The following MSI2 variants were observed in gnomAD, a reference collection of about 807,000 sequenced individuals.
MSI2 encodes musashi RNA binding protein 2.
In MSI2, 17 loss-of-function variants were observed where a neutral mutation model predicts 45.6. That is an observed-to-expected ratio of 0.37 (90% CI 0.26 to 0.56). The LOEUF (loss-of-function observed/expected upper bound fraction) is 0.56. MSI2 is among the 20% of genes least tolerant of loss of function. MSI2 has a pLI of 0.77. For missense variants in MSI2, 293 were observed against 444.2 expected (o/e 0.66, Z 3.06); for synonymous variants, 156 against 158.2 (o/e 0.99, Z 0.11).
At chr17:57,288,456 A>C (rs1910116976) in intron 5 of MSI2, among the ~76,000 whole-genome samples, 1 of 151,960 alleles carries the variant, frequency 6.6e-6, no homozygotes, top group South Asian at 2.1e-4. Flanking sequence ...CTTCCCCCTA[A>C]CCTTCCTGGT....
chr17:57,639,549 C>CTAT (rs1451953298), intron 10 of MSI2, among the ~76,000 whole-genome samples: 1 of 152,244 alleles, frequency 6.6e-6, no homozygotes, highest in Admixed American at 6.5e-5. Context: ...TTTATGCATA[C>CTAT]GGCTGTGCAG....
At chr17:57,621,194 C>T (rs1353685781) in intron 9 of MSI2, among the ~76,000 whole-genome samples, 2 of 152,188 alleles carry the variant, frequency 1.3e-5, no homozygotes, top group Admixed American at 6.5e-5. Flanking sequence ...TTACATGGGT[C>T]ACCATCTCCA....
intron 5 of MSI2, among the ~76,000 whole-genome samples, chr17:57,270,774 GA>G (rs1908283600): frequency 1.3e-5 from 2 of 152,096 alleles, no homozygotes; most frequent in South Asian, 2.1e-4. Flanking sequence ...TACTGTCCCC[GA>G]AAAATGTCCC....
At chr17:57,289,753 G>A (rs1910246650) in intron 5 of MSI2, among the ~76,000 whole-genome samples, 1 of 152,190 alleles carries the variant, frequency 6.6e-6, no homozygotes, top group African/African-American at 2.4e-5. Context: ...ATGCTACTTC[G>A]GCTTCCAGTG....
At chr17:57,353,093 A>G (rs1916148742) in intron 5 of MSI2, among the ~76,000 whole-genome samples, 1 of 152,208 alleles carries the variant, frequency 6.6e-6, no homozygotes, top group Non-Finnish European at 1.5e-5. Context: ...GATGATTTGA[A>G]TATCAACAGT....
intron 5 of MSI2, among the ~76,000 whole-genome samples, chr17:57,392,684 C>T (rs1294779657): frequency 3.3e-5 from 5 of 152,116 alleles, no homozygotes; most frequent in African/African-American, 4.8e-5. Context: ...TTTTAGCAAT[C>T]GGCAACGTAA....
chr17:57,340,367 C>G (rs1915029762), intron 5 of MSI2, among the ~76,000 whole-genome samples: 2 of 152,194 alleles, frequency 1.3e-5, no homozygotes, highest in Non-Finnish European at 1.5e-5. Flanking sequence ...GCCTCCACTT[C>G]TGCATCTGCA....
At chr17:57,546,741 C>T (rs771543265) in intron 7 of MSI2, among the ~76,000 whole-genome samples, 1 of 152,210 alleles carries the variant, frequency 6.6e-6, no homozygotes, top group Admixed American at 6.5e-5. Context: ...TGTAGCCTCC[C>T]GCTGTGGGGC....
At chr17:57,500,573 C>T (rs901154505) in intron 6 of MSI2, among the ~76,000 whole-genome samples, 11 of 151,598 alleles carry the variant, frequency 7.3e-5, no homozygotes, top group Non-Finnish European at 1.0e-4. Flanking sequence ...AAGGGCCATC[C>T]GGGTCTGTAG....
At chr17:57,342,284 A>T (rs969559879) in intron 5 of MSI2, among the ~76,000 whole-genome samples, 2 of 152,142 alleles carry the variant, frequency 1.3e-5, no homozygotes, top group Admixed American at 1.3e-4. Flanking sequence ...CAGCAGGAGG[A>T]TGGGTAGTGA....
chr17:57,549,256 G>A (rs1025477777), intron 7 of MSI2, among the ~76,000 whole-genome samples: 1 of 151,556 alleles, frequency 6.6e-6, no homozygotes, highest in African/African-American at 2.4e-5. Context: ...TGTGGGCTTG[G>A]TGCCTAGCCT....
chr17:57,336,710 T>C (rs2143763016), intron 5 of MSI2, among the ~76,000 whole-genome samples: 1 of 152,332 alleles, frequency 6.6e-6, no homozygotes, highest in South Asian at 2.1e-4. Flanking sequence ...TAACATACAG[T>C]AATTAAAGAA....
At chr17:57,653,931 C>T (rs1413171165) in intron 11 of MSI2, among the ~76,000 whole-genome samples, 1 of 115,512 alleles carries the variant, frequency 8.7e-6, no homozygotes, top group African/African-American at 3.7e-5. Context: ...CATCTCCAGT[C>T]ACACATTTTT....
At chr17:57,696,280 G>A in the MSI2 span, among the ~76,000 whole-genome samples, 8 of 152,196 alleles carry the variant, frequency 5.3e-5, no homozygotes, top group East Asian at 3.8e-4. Context: ...GCAATGTCAC[G>A]GCAGAGTGTG....
chr17:57,616,671 C>G (rs1362105147), intron 9 of MSI2: 1 of 150,364 alleles, frequency 6.7e-6, no homozygotes, highest in African/African-American at 2.5e-5. Context: ...TGTGTTTGTT[C>G]TGACTAAAAA....
chr17:57,429,837 C>T (rs1012509651), intron 6 of MSI2, among the ~76,000 whole-genome samples: 19 of 152,294 alleles, frequency 1.2e-4, no homozygotes, highest in African/African-American at 4.6e-4. Flanking sequence ...ACACTTTGAG[C>T]GCATTCACTC....
At chr17:57,411,943 G>A (rs903127630) in intron 6 of MSI2, among the ~76,000 whole-genome samples, 1 of 151,864 alleles carries the variant, frequency 6.6e-6, no homozygotes, top group African/African-American at 2.4e-5. Flanking sequence ...GGAGGCAGAG[G>A]TTGCAGTGAG....
intron 7 of MSI2, among the ~76,000 whole-genome samples, chr17:57,554,691 C>G (rs2087390513): frequency 6.6e-6 from 1 of 152,258 alleles, no homozygotes; most frequent in South Asian, 2.1e-4. Flanking sequence ...CACCTTCAGG[C>G]TGACCCTGTG....
intron 11 of MSI2, among the ~76,000 whole-genome samples, chr17:57,658,876 G>A (rs56322319): frequency 1.2e-4 from 18 of 152,210 alleles, no homozygotes; most frequent in African/African-American, 3.9e-4. Context: ...AGGGCGCGCA[G>A]AGCACAACAG....
Sources: gnomAD v4.1 joint callset for allele counts (sites outside exome capture counted in the v4.1 genomes callset) on GRCh38, gnomAD v4.1.1 for gene constraint, MANE v1.5 for transcripts, NCBI Gene and HGNC (gene_info 2026-07-23, HGNC 2026-07-21) for gene names.